SYTL2: variants seen among roughly 807,000 people sequenced by gnomAD.
The protein encoded by SYTL2 is synaptotagmin like 2, also known as synaptotagmin-like protein 2.
Under a neutral mutation model 198.7 loss-of-function variants are expected in SYTL2, and 165 were observed. That is an observed-to-expected ratio of 0.83 (90% CI 0.73 to 0.94). The LOEUF (loss-of-function observed/expected upper bound fraction) is 0.94. SYTL2 is among the 40% of genes least tolerant of loss of function. The pLI, the probability that SYTL2 is intolerant of heterozygous loss-of-function variation, is 0.00. For synonymous variants in SYTL2, 966 were observed against 917.7 expected (o/e 1.05, Z -0.95); for missense variants, 2,835 against 2,582.8 (o/e 1.10, Z -2.12).
intron 2 of SYTL2, among the ~76,000 whole-genome samples, chr11:85,751,411 C>T (rs1462330939): frequency 5.3e-5 from 8 of 152,090 alleles, no homozygotes; most frequent in Admixed American, 4.6e-4. Context: ...CTAATTACAT[C>T]AACAAAATGA....
At chr11:85,754,978 T>C (rs1032311746) in intron 2 of SYTL2, among the ~76,000 whole-genome samples, 4 of 152,198 alleles carry the variant, frequency 2.6e-5, no homozygotes, top group Admixed American at 6.5e-5. Flanking sequence ...TTACCCTTTC[T>C]GGGCTTTATC....
At chr11:85,698,907 GTTACTAAGAAGTTGGC>G (rs1233844572) in intron 17 of SYTL2, among the ~76,000 whole-genome samples, 2 of 152,214 alleles carry the variant, frequency 1.3e-5, no homozygotes, top group African/African-American at 4.8e-5. Context: ...TGGGCAGATA[GTTACTAAGAAGTTGGC>G]TTAGTCTGAA....
intron 1 of SYTL2, among the ~76,000 whole-genome samples, chr11:85,802,381 C>T (rs1379959301): frequency 1.3e-5 from 2 of 151,692 alleles, no homozygotes; most frequent in Non-Finnish European, 2.9e-5. Flanking sequence ...ACCACCAGGC[C>T]CAGCCTCCCA....
the SYTL2 span, among the ~76,000 whole-genome samples, chr11:85,844,542 T>C: frequency 6.6e-6 from 1 of 152,228 alleles, no homozygotes; most frequent in African/African-American, 2.4e-5. Context: ...AGTAGTTTCA[T>C]AGACTACTTC....
At chr11:85,823,869 T>C in the SYTL2 span, among the ~76,000 whole-genome samples, 2 of 152,338 alleles carry the variant, frequency 1.3e-5, no homozygotes, top group African/African-American at 4.8e-5. Flanking sequence ...TAAGCTCCAG[T>C]CATCTATGTG....
rs751698356 is a variant in SYTL2 at position 85,725,519 on chromosome 11, G to A, written c.3839C>T (p.Thr1280Ile). The A allele has an allele frequency of 6.2e-7, 1 of 1,613,932 alleles. No homozygotes were observed. Among genetic ancestry groups the A allele is most frequent in the East Asian group, 2.2e-5 (1 of 44,892 alleles). The change falls in exon 8 of 20, where the codon ACA (threonine) becomes ATA (isoleucine). Residue 1280 changes from threonine (T) to isoleucine (I), a missense_variant. Coordinates refer to ENST00000359152, the MANE Select transcript of SYTL2 (RefSeq NM_206927.4). ...FPVRDETFGN[T>I]ALLKKAESGE... ...ACTTTCAGCTTTCTTGAGGAGAGCT[G>A]TATTTCCAAAAGTTTCATCTCTCAC... is the stretch of plus-strand genomic sequence containing the variant.
At chr11:85,711,754 C>CATAT (rs147439934) in intron 12 of SYTL2, among the ~76,000 whole-genome samples, 1 of 151,524 alleles carries the variant, frequency 6.6e-6, no homozygotes, top group Non-Finnish European at 1.5e-5. Flanking sequence ...AACTCAAGGC[C>CATAT]ATATATATAT....
chr11:85,715,525 C>T (rs1407569600), intron 11 of SYTL2, among the ~76,000 whole-genome samples: 1 of 152,002 alleles, frequency 6.6e-6, no homozygotes, highest in African/African-American at 2.4e-5. Flanking sequence ...TATTTATATA[C>T]ATAACACAAA....
intron 1 of SYTL2, among the ~76,000 whole-genome samples, chr11:85,762,190 T>A (rs908922581): frequency 6.6e-6 from 1 of 152,202 alleles, no homozygotes; most frequent in Non-Finnish European, 1.5e-5. Flanking sequence ...TATAAGAGAC[T>A]CACCGACCCA....
chr11:85,835,870 C>T, the SYTL2 span, among the ~76,000 whole-genome samples: 1 of 152,136 alleles, frequency 6.6e-6, no homozygotes, highest in Admixed American at 6.6e-5. Flanking sequence ...CTTTCTGGGA[C>T]AAGGTTTGAG....
chr11:85,841,108 C>G, the SYTL2 span, among the ~76,000 whole-genome samples: 1 of 151,968 alleles, frequency 6.6e-6, no homozygotes, highest in Non-Finnish European at 1.5e-5. Flanking sequence ...ATCAGCAAAT[C>G]AAAACCACAA....
chr11:85,847,507 T>C, the SYTL2 span, among the ~76,000 whole-genome samples: 1,724 of 152,316 alleles, frequency 0.011, 29 homozygotes, highest in African/African-American at 0.039. Flanking sequence ...GTTTGCTGGG[T>C]CATACAGTAT....
At chr11:85,789,935 T>A (rs1056936342) in intron 1 of SYTL2, among the ~76,000 whole-genome samples, 1 of 152,160 alleles carries the variant, frequency 6.6e-6, no homozygotes, top group East Asian at 1.9e-4. Flanking sequence ...CAATACCGGT[T>A]GAGTATCCCT....
At chr11:85,821,581 G>A in the SYTL2 span, among the ~76,000 whole-genome samples, 1 of 152,164 alleles carries the variant, frequency 6.6e-6, no homozygotes, top group Non-Finnish European at 1.5e-5. Flanking sequence ...GGAAAGTCCA[G>A]CAATGGTACA....
At chr11:85,790,713 A>G (rs1167487477) in intron 1 of SYTL2, among the ~76,000 whole-genome samples, 4 of 152,210 alleles carry the variant, frequency 2.6e-5, no homozygotes, top group Non-Finnish European at 5.9e-5. Flanking sequence ...TGTTCAGGAT[A>G]ACTGGGATGT....
rs753676117 is a variant in SYTL2, at chr11:85,698,027, A to C, written c.6320T>G (p.Leu2107Arg). 1 of 1,613,990 alleles carries C rather than the reference A, an allele frequency of 6.2e-7. No homozygotes were observed. Among genetic ancestry groups the C allele is most frequent in the Non-Finnish European group, 8.5e-7 (1 of 1,179,884 alleles). ...GEVHIWVKECLDLPLLRGSHL... is the reference protein window; with the variant it reads ...GEVHIWVKECRDLPLLRGSHL... ...ACTTCCCCTTAGCAGTGGTAGATCA[A>C]GGCATTCCTTCACCCAGATGTGCAC... is the stretch of plus-strand genomic sequence containing the variant. The change falls in exon 18 of 20, where the codon CTT becomes CGT. Residue 2107 changes from leucine (L) to arginine (R), a missense_variant. Around this residue, in one of 3 missense-constraint regions of SYTL2, gnomAD observed 185 missense variants for 182.1 expected, o/e 1.02. Transcript: ENST00000359152.
At chr11:85,829,338 T>C in the SYTL2 span, among the ~76,000 whole-genome samples, 1 of 152,196 alleles carries the variant, frequency 6.6e-6, no homozygotes, top group Non-Finnish European at 1.5e-5. Flanking sequence ...GTTCTTAGGA[T>C]AATGGTCTCC....
At chr11:85,826,185 C>T in the SYTL2 span, among the ~76,000 whole-genome samples, 1 of 152,202 alleles carries the variant, frequency 6.6e-6, no homozygotes, top group Admixed American at 6.5e-5. Flanking sequence ...GCCAGATCCC[C>T]AGGTGATTCT....
intron 3 of SYTL2, 101 bp downstream of exon 3, chr11:85,748,171 C>T: frequency 7.5e-7 from 1 of 1,326,262 alleles, no homozygotes; most frequent in Admixed American, 2.0e-5. Context: ...AGTGTACATC[C>T]AAATGATTTC....
Sources: gnomAD v4.1 joint callset for allele counts (sites outside exome capture counted in the v4.1 genomes callset) on GRCh38, gnomAD v4.1.1 for gene constraint, gnomAD v4.1.1 regional missense constraint, MANE v1.5 for transcripts, NCBI Gene and HGNC (gene_info 2026-07-23, HGNC 2026-07-21) for gene names.